PDIA6: variants seen among roughly 807,000 people sequenced by gnomAD.
PDIA6 encodes the protein protein disulfide isomerase family A member 6.
Under a neutral mutation model 58.4 loss-of-function variants are expected in PDIA6, and 29 were observed. The ratio of observed to expected loss-of-function variants is 0.50; its 90% CI spans 0.37 to 0.68. The LOEUF (loss-of-function observed/expected upper bound fraction) is 0.68. PDIA6 is among the 30% of genes least tolerant of loss of function. The pLI is 0.00. For missense variants in PDIA6, 480 were observed against 551.0 expected (o/e 0.87, Z 1.29); for synonymous variants, 192 against 202.6 (o/e 0.95, Z 0.44).
At chr2:10,812,841 C>A (rs912386564), upstream of PDIA6, 5 of 1,168,484 alleles carry the variant, frequency 4.3e-6, no homozygotes, top group African/African-American at 3.2e-5. Context: ...GGCCGGAAGG[C>A]GCTCGCCAAG....
At chr2:10,827,988 G>C (rs1191704128) in intron 1 of PDIA6, among the ~76,000 whole-genome samples, 1 of 151,402 alleles carries the variant, frequency 6.6e-6, no homozygotes, top group South Asian at 2.1e-4. Context: ...GCAAAGTTGA[G>C]GGGGACAGTG....
intron 1 of PDIA6, among the ~76,000 whole-genome samples, chr2:10,806,935 T>C (rs1453038326): frequency 1.3e-5 from 2 of 152,232 alleles, no homozygotes; most frequent in African/African-American, 4.8e-5. Flanking sequence ...TTATGCCATC[T>C]AGGTTTGTAT....
chr2:10,828,743 G>A (rs1267416272), intron 1 of PDIA6, among the ~76,000 whole-genome samples: 1 of 152,218 alleles, frequency 6.6e-6, no homozygotes, highest in Non-Finnish European at 1.5e-5. Context: ...AGAATTTGGG[G>A]CACAAATGTG....
upstream of PDIA6, among the ~76,000 whole-genome samples, chr2:10,817,517 T>C (rs1050004874): frequency 1.3e-5 from 2 of 152,230 alleles, no homozygotes; most frequent in African/African-American, 4.8e-5. Context: ...TGGAAATTCC[T>C]CCACAGTCGC....
chr2:10,817,912 G>A (rs925370133), intron 2 of PDIA6, among the ~76,000 whole-genome samples: 1 of 152,158 alleles, frequency 6.6e-6, no homozygotes, highest in Non-Finnish European at 1.5e-5. Flanking sequence ...CTAATACAGG[G>A]CTTAATGTTC....
intron 1 of PDIA6, among the ~76,000 whole-genome samples, chr2:10,809,481 G>T (rs1666904624): frequency 6.6e-6 from 1 of 151,834 alleles, no homozygotes; most frequent in Admixed American, 6.6e-5. Flanking sequence ...TTTGAGACCA[G>T]CCTGGGCAAC....
chr2:10,788,690 A>G lies in PDIA6; in HGVS notation c.998+7T>C, dbSNP rs1665895170. 1.3e-6 allele frequency: 2 copies of G among 1,597,264 alleles called. No homozygotes were observed. Among genetic ancestry groups the G allele is most frequent in the Non-Finnish European group, 1.7e-6 (2 of 1,164,674 alleles). ...ATGACACTCAGACAGTAAGCTCAGT[A>G]ACTTACCCCCACATTTTCTTTTTGT... On this transcript the variant is annotated splice_region_variant and intron_variant, in intron 10 of 12. Transcript: ENST00000272227.
Position 10,823,997 on chromosome 2 carries a change from G to A in PDIA6, c.-47-4643C>T, listed in dbSNP as rs181434072. On this transcript the variant is annotated intron_variant, in intron 1 of 13. Transcript: ENST00000381611. Reference sequence around the variant, plus strand: ...TGGGGGTCCACTGAGGCCCTTGTAAGCACCCACATCATGATTCAGCTTTAT... The same window carrying A: ...TGGGGGTCCACTGAGGCCCTTGTAAACACCCACATCATGATTCAGCTTTAT... Among the ~76,000 whole-genome samples, 145 of 152,310 alleles carry A rather than the reference G, an allele frequency of 9.5e-4. 1 individual carries two copies. Among genetic ancestry groups the A allele is most frequent in the African/African-American group, 2.6e-3 (109 of 41,570 alleles).
At chr2:10,795,228 G>A (rs1359407057) in intron 4 of PDIA6, among the ~76,000 whole-genome samples, 3 of 152,200 alleles carry the variant, frequency 2.0e-5, no homozygotes, top group Admixed American at 2.0e-4. Context: ...CAATTCTGTT[G>A]TTCCAGTGCA....
intron 1 of PDIA6, among the ~76,000 whole-genome samples, chr2:10,819,664 A>G (rs1667324221): frequency 6.6e-6 from 1 of 152,174 alleles, no homozygotes; most frequent in South Asian, 2.1e-4. Context: ...AACATTGCAC[A>G]TTTGTCTTAA....
At chr2:10,806,562 G>C (rs1258543331) in intron 1 of PDIA6, among the ~76,000 whole-genome samples, 1 of 147,668 alleles carries the variant, frequency 6.8e-6, no homozygotes, top group Non-Finnish European at 1.5e-5. Flanking sequence ...ACTGCTTGAG[G>C]CCAGCAGTTC....
chr2:10,818,019 C>G (rs1217412745), intron 2 of PDIA6, among the ~76,000 whole-genome samples: 2 of 152,166 alleles, frequency 1.3e-5, no homozygotes, highest in African/African-American at 4.8e-5. Flanking sequence ...AGGAGACACA[C>G]AGTGCTCCTC....
intron 1 of PDIA6, among the ~76,000 whole-genome samples, chr2:10,806,649 A>AGAAAG (rs1283823871): frequency 2.2e-5 from 3 of 134,256 alleles, no homozygotes; most frequent in Admixed American, 7.6e-5. Flanking sequence ...AAAGAAAGAA[A>AGAAAG]AACGTTACAG....
intron 1 of PDIA6, among the ~76,000 whole-genome samples, chr2:10,803,916 T>TTTTTTTTTC (rs2148555051): frequency 6.9e-6 from 1 of 144,266 alleles, no homozygotes; most frequent in Admixed American, 6.9e-5. Flanking sequence ...TTTGTGTTTT[T>TTTTTTTTTC]TTTTTTTTTT....
chr2:10,806,042 AAACG>A (rs1365576962), intron 1 of PDIA6, among the ~76,000 whole-genome samples: 28 of 105,660 alleles, frequency 2.7e-4, no homozygotes, highest in East Asian at 1.2e-3. Flanking sequence ...AAAAAAAAAA[AAACG>A]AAAAAAACCT....
chr2:10,797,045 T>C (rs752127917), intron 4 of PDIA6, 36 bp downstream of exon 4: 2 of 1,600,678 alleles, frequency 1.2e-6, no homozygotes, highest in South Asian at 2.2e-5. Flanking sequence ...GGTTCTTGTC[T>C]ACCAGGGGAA....
At position 10,829,310 on chromosome 2, in the gene PDIA6, C is replaced by G. The variant is rs1405452330; in HGVS notation, c.-48+2892G>C. Among the ~76,000 whole-genome samples the G allele has an allele frequency of 2.0e-5, 3 of 152,194 alleles. No individual in the cohort carries two copies. In the East Asian group the frequency reaches 5.8e-4, roughly 29 times the overall value. On this transcript the variant is annotated intron_variant, in intron 1 of 13. Transcript: ENST00000381611. ...TCCCGCCCCCAGGCAGCTCCCAGCG[C>G]TGTTGGCTTCTTCAGCTTCAGGAGC...
intron 1 of PDIA6, among the ~76,000 whole-genome samples, chr2:10,825,703 C>T (rs780703828): frequency 1.2e-4 from 19 of 152,098 alleles, no homozygotes; most frequent in South Asian, 4.1e-4. Context: ...GACATAGAAA[C>T]GGCCAATAAA....
intron 1 of PDIA6, among the ~76,000 whole-genome samples, chr2:10,809,657 A>AC (rs1392362114): frequency 2.7e-5 from 4 of 149,846 alleles, no homozygotes; most frequent in Non-Finnish European, 5.9e-5. Flanking sequence ...AAAAAAAAAA[A>AC]AAAAAAAAAA....
Sources: allele counts gnomAD v4.1 joint callset (sites outside exome capture counted in the v4.1 genomes callset), GRCh38; gene constraint gnomAD v4.1.1; transcripts MANE v1.5; gene names NCBI Gene and HGNC (gene_info 2026-07-23, HGNC 2026-07-21).